Variants in PRKDC observed in about 807,000 individuals in gnomAD.
PRKDC encodes DNA-dependent protein kinase catalytic subunit.
In PRKDC, 82 loss-of-function variants were observed where a neutral mutation model predicts 486.9. That is an observed-to-expected ratio of 0.17 (90% confidence interval 0.14 to 0.20). The LOEUF (loss-of-function observed/expected upper bound fraction) is 0.20, where lower values mean the gene tolerates loss of function less well. PRKDC is among the 10% of genes least tolerant of loss of function. The pLI is 1.00. For synonymous variants in PRKDC, 1,895 were observed against 1,837.0 expected (o/e 1.03, Z -0.81); for missense variants, 4,504 against 5,038.2 (o/e 0.89, Z 3.21).
chr8:47,947,359 C>G (rs1204543773), intron 7 of PRKDC, among the ~76,000 whole-genome samples: 1 of 152,232 alleles, frequency 6.6e-6, no homozygotes, highest in Non-Finnish European at 1.5e-5. Flanking sequence ...ACCCCAAAAT[C>G]AGCAGAGCTG....
chr8:47,819,830 C>T (rs577747056), intron 66 of PRKDC, among the ~76,000 whole-genome samples: 330 of 152,256 alleles, frequency 2.2e-3, no homozygotes, highest in African/African-American at 7.5e-3. Flanking sequence ...ACTACAGAAG[C>T]CAATTCTTTT....
rs2086650242 is a variant in PRKDC at position 47,778,719 on chromosome 8, G to C, written c.11651+9C>G. On this transcript the variant is annotated intron_variant, in intron 82 of 85. Transcript: ENST00000314191. ...ATCCCACTAAGGGTGAGGGCAGAAG[G>C]GTACTTACTTTAAGAGATCAGCAGG... is the stretch of plus-strand genomic sequence containing the variant. 5 of 1,613,572 alleles carry C rather than the reference G, an allele frequency of 3.1e-6. No homozygotes were observed. The highest frequency in any genetic ancestry group is 4.2e-6 in the Non-Finnish European group (5 of 1,179,712).
intron 40 of PRKDC, among the ~76,000 whole-genome samples, chr8:47,867,872 A>T (rs958476485): frequency 1.3e-5 from 2 of 152,196 alleles, no homozygotes; most frequent in Admixed American, 1.3e-4. Flanking sequence ...GGTTTTTCAT[A>T]GACAGCCTTT....
Position 47,801,608 on chromosome 8 carries a change from AT to A in PRKDC, c.9923-623del, listed in dbSNP as rs8178219. On this transcript the variant is annotated intron_variant, in intron 70 of 85. Transcript: ENST00000314191. ...AAAGCACCTAATTCTGTTATAAAAA[AT>A]AGGAAATGGGTACTAATGTGTTTGT... Among the ~76,000 whole-genome samples the A allele has an allele frequency of 2.9e-3, 441 of 152,350 alleles. 3 individuals carry two copies. The highest frequency in any genetic ancestry group is 0.01 in the African/African-American group (432 of 41,578).
chr8:47,950,955 T>C lies in PRKDC; in HGVS notation c.721+2665A>G, dbSNP rs546222833. Among the ~76,000 whole-genome samples the C allele has an allele frequency of 5.9e-5, 9 of 152,226 alleles. No homozygotes were observed. In the East Asian group the frequency reaches 9.7e-4, roughly 16 times the overall value. On this transcript the variant is annotated intron_variant, in intron 7 of 85. Coordinates refer to ENST00000314191, the MANE Select transcript of PRKDC (RefSeq NM_006904.7). ...GCATCTGTGAGTAGCCACTGTACTT[T>C]TGCCTGGGGAGACCCCATCTCTTAA...
chr8:47,957,850 T>C (rs1233085139), intron 1 of PRKDC, among the ~76,000 whole-genome samples: 1 of 152,166 alleles, frequency 6.6e-6, no homozygotes, highest in Non-Finnish European at 1.5e-5. Flanking sequence ...CTTATAAATA[T>C]AAAACACTAA....
intron 85 of PRKDC, among the ~76,000 whole-genome samples, chr8:47,775,213 A>T (rs6473736): frequency 0.26 from 38,173 of 145,556 alleles, 6,714 homozygotes; most frequent in African/African-American, 0.52. Flanking sequence ...ATAAATAAAT[A>T]AATTAATTAA....
chr8:47,775,433 G>A (rs960960456), intron 85 of PRKDC, among the ~76,000 whole-genome samples: 8 of 140,316 alleles, frequency 5.7e-5, no homozygotes, highest in East Asian at 2.2e-4. Context: ...GTGCAATGGC[G>A]TGATCTCGGC....
intron 69 of PRKDC, among the ~76,000 whole-genome samples, chr8:47,805,747 C>T (rs528226935): frequency 2.6e-5 from 4 of 152,262 alleles, no homozygotes; most frequent in Non-Finnish European, 5.9e-5. Context: ...CTTTGGTCTT[C>T]CTAATTACTG....
intron 25 of PRKDC, among the ~76,000 whole-genome samples, chr8:47,910,075 C>G (rs1216878900): frequency 6.6e-6 from 1 of 152,166 alleles, no homozygotes; most frequent in Non-Finnish European, 1.5e-5. Flanking sequence ...TCGGGGTTGT[C>G]ATCACGGTCC....
At chr8:47,781,371 T>C (rs945378034) in intron 80 of PRKDC, among the ~76,000 whole-genome samples, 3 of 152,230 alleles carry the variant, frequency 2.0e-5, no homozygotes, top group Non-Finnish European at 2.9e-5. Context: ...GATAAGAATA[T>C]GTTTGATATT....
At chr8:47,810,823 G>C (rs1440654662) in intron 68 of PRKDC, among the ~76,000 whole-genome samples, 1 of 152,026 alleles carries the variant, frequency 6.6e-6, no homozygotes, top group Non-Finnish European at 1.5e-5. Context: ...AGAAGAACAA[G>C]TAAGACAAAA....
chr8:47,807,044 A>T, intron 69 of PRKDC, 93 bp downstream of exon 69: 1 of 1,262,362 alleles, frequency 7.9e-7, no homozygotes, highest in East Asian at 2.6e-5. Flanking sequence ...CAATTATTTT[A>T]AGGTTCAGAC....
At chr8:47,871,550 C>T (rs1240320347) in intron 40 of PRKDC, among the ~76,000 whole-genome samples, 3 of 152,074 alleles carry the variant, frequency 2.0e-5, no homozygotes. Context: ...TTATCAATAC[C>T]ACAAGATAAA....
chr8:47,913,942 C>G lies in PRKDC; in HGVS notation c.2740G>C (p.Val914Leu). ...CTGGCTGTGAGCGCTAATTCTGTGACTCGAGGCAGGAACACATCCAGGAAA... is the reference window on the plus strand; with the variant it reads ...CTGGCTGTGAGCGCTAATTCTGTGAGTCGAGGCAGGAACACATCCAGGAAA... ...VIFLDVFLPR[V>L]TELALTASDR... The change falls in exon 24 of 86, where the codon GTC becomes CTC. Residue 914 changes from valine (V) to leucine (L), a missense_variant. By Grantham distance (32) the Val-to-Leu change is conservative (BLOSUM62 1). Transcript: ENST00000314191. 1.2e-6 allele frequency: 2 copies of G among 1,611,556 alleles called. No homozygotes were observed. Among genetic ancestry groups the G allele is most frequent in the Non-Finnish European group, 1.7e-6 (2 of 1,178,722 alleles).
rs77359723 is a variant in PRKDC, at chr8:47,817,839, C to A, written c.9446-278G>T. Among the ~76,000 whole-genome samples the A allele has an allele frequency of 0.023, 3,520 of 152,202 alleles. 146 individuals are homozygous for A. The highest frequency in any genetic ancestry group is 0.079 in the African/African-American group (3,298 of 41,524). On this transcript the variant is annotated intron_variant, in intron 67 of 85. Coordinates refer to ENST00000314191, the MANE Select transcript of PRKDC (RefSeq NM_006904.7). ...TACAGTCCATCTGTAATATCAAAAT[C>A]TAAAAAGCACTGATAACTAAAAAGA...
intron 68 of PRKDC, among the ~76,000 whole-genome samples, chr8:47,810,282 TGAGA>T (rs1223749295): frequency 6.6e-6 from 1 of 152,236 alleles, no homozygotes; most frequent in Non-Finnish European, 1.5e-5. Flanking sequence ...TAAGATATTT[TGAGA>T]GAGACAGACC....
rs775940255 is a variant in PRKDC at position 47,939,577 on chromosome 8, T to C, written c.1087A>G (p.Ile363Val). 1.2e-5 allele frequency: 20 copies of C among 1,613,658 alleles called. No homozygotes were observed. The highest frequency in any genetic ancestry group is 1.6e-5 in the Non-Finnish European group (19 of 1,179,730). The change falls in exon 11 of 86, where the codon ATC becomes GTC. Residue 363 changes from isoleucine (I) to valine (V), a missense_variant. Ile to Val is a conservative substitution (Grantham distance 29). Coordinates refer to ENST00000314191, the MANE Select transcript of PRKDC (RefSeq NM_006904.7). ...CCTGCAAAAAGTCCATATCCACGGA[T>C]AGCAATAGATAACTCCTTGTTGTTC... ...DSNNKELSIA[I>V]RGYGLFAGPC...
intron 4 of PRKDC, 42 bp downstream of exon 4, chr8:47,955,832 A>T: frequency 6.9e-7 from 1 of 1,442,998 alleles, no homozygotes; most frequent in Non-Finnish European, 9.5e-7. Flanking sequence ...TTTAAAAGTT[A>T]CATGTTTAAT....
Sources: allele counts gnomAD v4.1 joint callset (sites outside exome capture counted in the v4.1 genomes callset), GRCh38; gene constraint gnomAD v4.1.1; transcripts MANE v1.5; gene names NCBI Gene and HGNC (gene_info 2026-07-23, HGNC 2026-07-21).